The following RILPL1 variants were observed in gnomAD, a reference collection of about 807,000 sequenced individuals.
RILPL1 encodes the protein Rab interacting lysosomal protein like 1.
A neutral mutation model predicts 50.3 loss-of-function variants in RILPL1; 33 were observed. The observed-to-expected ratio is 0.66, with a 90% CI of 0.50 to 0.88. RILPL1 has a LOEUF of 0.88. Among genes scored for constraint, RILPL1 ranks in the 40% least tolerant of loss-of-function variants. The probability of loss-of-function intolerance (pLI) is 0.00; values close to 1 mark genes in which losing one functional copy is unlikely to be tolerated. For synonymous variants in RILPL1, 205 were observed against 228.6 expected (o/e 0.90, Z 0.93); for missense variants, 418 against 542.5 (o/e 0.77, Z 2.28).
At chr12:123,519,781 G>A (rs1186876486) in intron 2 of RILPL1, 1 of 152,262 alleles carries the variant, frequency 6.6e-6, no homozygotes, top group Non-Finnish European at 1.5e-5. Context: ...ACTCAGGCAG[G>A]AGGGCTGCTG....
chr12:123,510,491 ATGTG>A (rs368080381), intron 2 of RILPL1, among the ~76,000 whole-genome samples: 17 of 82,996 alleles, frequency 2.0e-4, no homozygotes, highest in South Asian at 1.1e-3. Context: ...TATGTGTGTG[ATGTG>A]TGTGTGTAGT....
intron 6 of RILPL1, chr12:123,474,915 C>T (rs1881488341): frequency 6.6e-6 from 1 of 152,224 alleles, no homozygotes; most frequent in Non-Finnish European, 1.5e-5. Flanking sequence ...ATCCTACACT[C>T]ACTTTCTACC....
intron 2 of RILPL1, among the ~76,000 whole-genome samples, chr12:123,501,262 C>T (rs1370770032): frequency 6.6e-6 from 1 of 151,504 alleles, no homozygotes; most frequent in Non-Finnish European, 1.5e-5. Flanking sequence ...CATAACAAGA[C>T]CCTGTTTCTA....
intron 4 of RILPL1, among the ~76,000 whole-genome samples, chr12:123,492,076 C>CCAGCCTGACCAA (rs1882726659): frequency 6.6e-6 from 1 of 151,752 alleles, no homozygotes; most frequent in Non-Finnish European, 1.5e-5. Context: ...GAGTTCAAGA[C>CCAGCCTGACCAA]CAGCCTGACC....
intron 4 of RILPL1, among the ~76,000 whole-genome samples, chr12:123,492,136 T>C (rs1882733506): frequency 6.6e-6 from 1 of 151,664 alleles, no homozygotes; most frequent in Non-Finnish European, 1.5e-5. Context: ...TAGCCTATCA[T>C]GGTGGCTTGA....
At chr12:123,512,403 G>A (rs1164209684) in intron 2 of RILPL1, among the ~76,000 whole-genome samples, 2 of 141,076 alleles carry the variant, frequency 1.4e-5, no homozygotes, top group African/African-American at 5.3e-5. Flanking sequence ...TGGTGTGTGA[G>A]GTCTGTGTGT....
chr12:123,487,751 GA>G, intron 4 of RILPL1, among the ~76,000 whole-genome samples: 1 of 152,198 alleles, frequency 6.6e-6, no homozygotes, highest in Non-Finnish European at 1.5e-5. Flanking sequence ...TATTAGTGTG[GA>G]CACTTGTTTT....
intron 4 of RILPL1, among the ~76,000 whole-genome samples, chr12:123,497,099 G>A (rs1260635420): frequency 2.6e-5 from 4 of 152,206 alleles, no homozygotes; most frequent in South Asian, 2.1e-4. Flanking sequence ...CAGCTCATCC[G>A]TGCTGCCGCG....
At chr12:123,521,605 ATACACACATATGTG>A (rs1179886979) in intron 2 of RILPL1, among the ~76,000 whole-genome samples, 8 of 55,088 alleles carry the variant, frequency 1.5e-4, no homozygotes, top group African/African-American at 6.6e-4. Flanking sequence ...ATTAATATAT[ATACACACATATGTG>A]TATATATATA....
rs1282605260 is a variant in RILPL1 at position 123,471,711 on chromosome 12, T to C, written c.*827A>G. The C allele has an allele frequency of 6.6e-6, 1 of 152,416 alleles. No homozygotes were observed. Among genetic ancestry groups the C allele is most frequent in the Non-Finnish European group, 1.5e-5 (1 of 68,064 alleles). The allele number at this position is 152,416 out of a possible 1,614,324, so 9.4% of individuals were successfully genotyped here. ...ATCCCACGCCCCGCTTTCAGTCTGC[T>C]CTGGGACATCTGTCTTCTTCTTTGC... On this transcript the variant is annotated 3_prime_UTR_variant, in exon 7 of 7. Coordinates refer to ENST00000376874, the MANE Select transcript of RILPL1 (RefSeq NM_178314.5).
chr12:123,498,780 A>G lies in RILPL1; in HGVS notation c.580-15T>C, dbSNP rs771037731. ...TGCTGCTGTAACTGTAGAAAAAGGG[A>G]GACCATTGTGCGGGGCTGCCACCTG... On this transcript the variant is annotated splice_polypyrimidine_tract_variant and intron_variant, in intron 3 of 6. Coordinates refer to ENST00000376874, the MANE Select transcript of RILPL1 (RefSeq NM_178314.5). The surrounding 1 kb of genome is among the most constrained non-coding windows in gnomAD (Gnocchi z 4.3). The G allele has an allele frequency of 1.2e-6, 2 of 1,610,310 alleles. No homozygotes were observed. Among genetic ancestry groups the G allele is most frequent in the Admixed American group, 1.7e-5 (1 of 60,010 alleles).
In RILPL1 at chr12:123,485,131, G is replaced by A. The variant is rs1275161064; in HGVS notation, c.974+502C>T. On this transcript the variant is annotated intron_variant, in intron 5 of 6. Transcript: ENST00000376874. This position sits in a 1 kb window ranked among gnomAD's most constrained non-coding sequence, Gnocchi z 4.0. Reference sequence around the variant, plus strand: ...CAGATATTTGTTGTGCACCTACTGTGTGCCAAGCTCCATTCTAAGTGCTGG... The same window carrying A: ...CAGATATTTGTTGTGCACCTACTGTATGCCAAGCTCCATTCTAAGTGCTGG... The A allele has an allele frequency of 4.4e-6, 2 of 456,086 alleles. No individual in the cohort carries two copies. Among genetic ancestry groups the A allele is most frequent in the Non-Finnish European group, 8.8e-6 (2 of 226,954 alleles). The allele number at this position is 456,086 out of a possible 1,614,324, so 28.3% of individuals were successfully genotyped here.
At position 123,485,071 on chromosome 12, in the gene RILPL1, G is replaced by C. The variant is rs1882240480; in HGVS notation, c.974+562C>G. ...CCCCACTGGAGCAGGGACCACCTCTGGTGCATGGGTCCTTCCTTCCAGCTT... is the reference window on the plus strand; with the variant it reads ...CCCCACTGGAGCAGGGACCACCTCTCGTGCATGGGTCCTTCCTTCCAGCTT... On this transcript the variant is annotated intron_variant, in intron 5 of 6. Transcript: ENST00000376874. The surrounding 1 kb of genome is among the most constrained non-coding windows in gnomAD (Gnocchi z 4.0). 1 of 448,038 alleles carries C rather than the reference G, an allele frequency of 2.2e-6. No individual in the cohort carries two copies. The highest frequency in any genetic ancestry group is 4.5e-6 in the Non-Finnish European group (1 of 220,546). 27.8% of individuals were successfully genotyped at this position (448,038 alleles called of 1,614,324 possible).
intron 6 of RILPL1, among the ~76,000 whole-genome samples, chr12:123,479,087 C>T (rs534820183): frequency 6.6e-6 from 1 of 151,774 alleles, no homozygotes; most frequent in Non-Finnish European, 1.5e-5. Flanking sequence ...ACCAGAGACT[C>T]GGGGAGGGGA....
chr12:123,495,309 T>C (rs1882952582), intron 4 of RILPL1, among the ~76,000 whole-genome samples: 1 of 152,010 alleles, frequency 6.6e-6, no homozygotes, highest in African/African-American at 2.4e-5. Context: ...GAGCCAGCTG[T>C]ACCTGAAGCT....
intron 1 of RILPL1, among the ~76,000 whole-genome samples, chr12:123,527,926 A>C (rs1432219937): frequency 6.6e-6 from 1 of 152,184 alleles, no homozygotes; most frequent in Non-Finnish European, 1.5e-5. Flanking sequence ...CCTTCCCAAC[A>C]CCTTGATTTG....
Position 123,522,638 on chromosome 12 carries a change from G to A in RILPL1, c.460+857C>T, listed in dbSNP as rs903468682. ...ATTTTTTTCATCTTACTGTCGCTCAGGCTGTAGCGCAGTGGTATGATCTCA... is the reference window on the plus strand; with the variant it reads ...ATTTTTTTCATCTTACTGTCGCTCAAGCTGTAGCGCAGTGGTATGATCTCA... On this transcript the variant is annotated intron_variant, in intron 2 of 6. Coordinates refer to ENST00000376874, the MANE Select transcript of RILPL1 (RefSeq NM_178314.5). The surrounding 1 kb of genome is among the most constrained non-coding windows in gnomAD (Gnocchi z 4.0). 6.6e-6 allele frequency among the ~76,000 whole-genome samples: 1 copy of A among 152,080 alleles called. No homozygotes were observed. Among genetic ancestry groups the A allele is most frequent in the Admixed American group, 6.6e-5 (1 of 15,258 alleles).
In RILPL1 at chr12:123,472,631, G is replaced by A. The variant is rs1252363598; in HGVS notation, c.1119C>T (p.Asn373=). 2.5e-6 allele frequency: 4 copies of A among 1,593,756 alleles called. No homozygotes were observed. The highest frequency in any genetic ancestry group is 2.7e-5 in the African/African-American group (2 of 74,618). ...DKKRLANTQR[N]VHIQESFGQW... is the part of the protein sequence containing the mutation. ...GTCCAAAGGACTCCTGGATGTGCACGTTTCTCTGTGTGTTGGCCAGGCGCT... is the reference window on the plus strand; with the variant it reads ...GTCCAAAGGACTCCTGGATGTGCACATTTCTCTGTGTGTTGGCCAGGCGCT... Residue 373 remains asparagine (N), a synonymous_variant, in exon 7 of 7, where the codon AAC becomes AAT. Transcript: ENST00000376874.
chr12:123,490,311 G>A (rs1882610332), intron 4 of RILPL1, among the ~76,000 whole-genome samples: 1 of 152,052 alleles, frequency 6.6e-6, no homozygotes, highest in Non-Finnish European at 1.5e-5. Flanking sequence ...CCTATGTCTG[G>A]GCTTTCATCT....
Sources: allele counts gnomAD v4.1 joint callset (sites outside exome capture counted in the v4.1 genomes callset), GRCh38; gene constraint gnomAD v4.1.1; non-coding constraint Gnocchi (gnomAD v3.1); transcripts MANE v1.5; gene names NCBI Gene and HGNC (gene_info 2026-07-23, HGNC 2026-07-21).